The following USH2A variants were observed in gnomAD, a reference collection of about 807,000 sequenced individuals.
USH2A encodes the protein usherin, also known as Usher syndrome 2A (autosomal recessive, mild).
In USH2A, 443 loss-of-function variants were observed where a neutral mutation model predicts 538.9. The ratio of observed to expected loss-of-function variants is 0.82; its 90% CI spans 0.76 to 0.89. The LOEUF (loss-of-function observed/expected upper bound fraction) is 0.89, where lower values mean the gene tolerates loss of function less well. USH2A is among the 40% of genes least tolerant of loss of function. The pLI, the probability that USH2A is intolerant of heterozygous loss-of-function variation, is 0.00. For synonymous variants in USH2A, 2,413 were observed against 2,273.5 expected (o/e 1.06, Z -1.75); for missense variants, 6,633 against 6,324.8 (o/e 1.05, Z -1.65).
chr1:216,021,507 C>A (rs541916173), intron 32 of USH2A, among the ~76,000 whole-genome samples: 1 of 152,258 alleles, frequency 6.6e-6, no homozygotes, highest in Non-Finnish European at 1.5e-5. Context: ...TTATAAATTA[C>A]CCAGTCTTGA....
chr1:215,726,696 AG>A (rs1202209349), intron 61 of USH2A, among the ~76,000 whole-genome samples: 2 of 152,154 alleles, frequency 1.3e-5, no homozygotes, highest in African/African-American at 4.8e-5. Flanking sequence ...ATATTTAATA[AG>A]GTCTTGGCAC....
At chr1:215,683,255 G>GCA (rs71167831) in intron 61 of USH2A, among the ~76,000 whole-genome samples, 9 of 147,306 alleles carry the variant, frequency 6.1e-5, no homozygotes, top group African/African-American at 2.3e-4. Context: ...ACACACACAC[G>GCA]CACACACACA....
chr1:216,078,323 T>A lies in USH2A; in HGVS notation c.5338A>T (p.Thr1780Ser). ...KSGILTFRLNTSLAFTQVDLL... is the reference protein window; with the variant it reads ...KSGILTFRLNSSLAFTQVDLL... The stretch of plus-strand genomic sequence containing the variant: ...TCCACTTGTGTAAAGGCAAGACTGG[T>A]ATTTAACCGGAAGGTCAATATTCCA... The change falls in exon 27 of 72, where the codon ACC (threonine) becomes TCC (serine). Residue 1780 changes from threonine to serine, a missense_variant. Transcript: ENST00000307340. The A allele has an allele frequency of 4.3e-6, 7 of 1,613,732 alleles. No individual in the cohort carries two copies. The highest frequency in any genetic ancestry group is 5.9e-6 in the Non-Finnish European group (7 of 1,179,694).
chr1:216,085,367 G>C (rs958999453), intron 24 of USH2A, among the ~76,000 whole-genome samples: 4 of 151,684 alleles, frequency 2.6e-5, no homozygotes, highest in African/African-American at 9.7e-5. Context: ...CTCCAGACCA[G>C]GTAGAGGTGG....
At chr1:216,320,747 A>C (rs1488440449) in intron 9 of USH2A, among the ~76,000 whole-genome samples, 2 of 152,086 alleles carry the variant, frequency 1.3e-5, no homozygotes, top group Non-Finnish European at 2.9e-5. Context: ...GCTTGTTCAT[A>C]TATTTGCTCA....
chr1:216,261,094 AT>A (rs2036361876), intron 11 of USH2A, among the ~76,000 whole-genome samples: 2 of 152,204 alleles, frequency 1.3e-5, no homozygotes, highest in African/African-American at 2.4e-5. Context: ...AAAATATACA[AT>A]GTGAATGACA....
At chr1:216,239,789 G>A (rs1014594030) in intron 13 of USH2A, among the ~76,000 whole-genome samples, 3 of 152,120 alleles carry the variant, frequency 2.0e-5, no homozygotes, top group African/African-American at 7.2e-5. Flanking sequence ...TGTAAGTAAG[G>A]GTGGCAAGAA....
intron 3 of USH2A, among the ~76,000 whole-genome samples, chr1:216,407,052 T>A (rs1421436412): frequency 1.3e-5 from 2 of 152,082 alleles, no homozygotes; most frequent in Non-Finnish European, 2.9e-5. Flanking sequence ...TCCCTAGCTA[T>A]GTCACATGAC....
chr1:216,396,891 T>G (rs928903636), intron 3 of USH2A, among the ~76,000 whole-genome samples: 2 of 152,350 alleles, frequency 1.3e-5, no homozygotes, highest in African/African-American at 4.8e-5. Flanking sequence ...CTCCGCCAGC[T>G]CCATCCAATG....
intron 21 of USH2A, among the ~76,000 whole-genome samples, chr1:216,155,816 A>AT (rs1054835567): frequency 3.3e-5 from 5 of 151,456 alleles, no homozygotes; most frequent in South Asian, 4.2e-4. Flanking sequence ...TCAGAATTTC[A>AT]TTTTTTTTTA....
chr1:215,981,001 A>T (rs2813728), intron 35 of USH2A, among the ~76,000 whole-genome samples: 53,954 of 151,948 alleles, frequency 0.36, 10,233 homozygotes, highest in African/African-American at 0.47. Flanking sequence ...CAATTTTACT[A>T]GACAATGCTC....
At chr1:216,330,744 C>A (rs1424649181) in intron 4 of USH2A, among the ~76,000 whole-genome samples, 2 of 151,874 alleles carry the variant, frequency 1.3e-5, no homozygotes, top group African/African-American at 4.8e-5. Flanking sequence ...GTGATGTGAT[C>A]TCAGGATTAT....
intron 3 of USH2A, among the ~76,000 whole-genome samples, chr1:216,376,851 A>G (rs2038831794): frequency 6.6e-6 from 1 of 152,214 alleles, no homozygotes; most frequent in African/African-American, 2.4e-5. Flanking sequence ...TAAAATTTGT[A>G]GAAATAGTCC....
At chr1:215,817,420 G>A (rs1482541018) in intron 47 of USH2A, among the ~76,000 whole-genome samples, 1 of 151,904 alleles carries the variant, frequency 6.6e-6, no homozygotes, top group African/African-American at 2.4e-5. Flanking sequence ...AAGACAAGAA[G>A]CAAGTGTCAC....
intron 36 of USH2A, among the ~76,000 whole-genome samples, chr1:215,969,781 A>C (rs1057474765): frequency 2.0e-5 from 3 of 152,322 alleles, no homozygotes; most frequent in Non-Finnish European, 4.4e-5. Flanking sequence ...GCTGTCTTCC[A>C]AGGTAATATT....
Position 215,675,308 on chromosome 1 carries a change from TC to T in USH2A, c.12602del (p.Gly4201GlufsTer56), listed in dbSNP as rs1553252499. Reference sequence around the variant, plus strand: ...TCTCGTCGGCCTGGATTGTCTGATTTCCCCAAGCTTTTCCCTCGAAGCATCT... The same window carrying T: ...TCTCGTCGGCCTGGATTGTCTGATTTCCCAAGCTTTTCCCTCGAAGCATCT... ...IRRCFEGKAW[G>X]NQTIQADEKI... On this transcript the variant is annotated frameshift_variant, in exon 63 of 72. Coordinates refer to ENST00000307340, the MANE Select transcript of USH2A (RefSeq NM_206933.4). LOFTEE classifies it high-confidence loss of function. The T allele has an allele frequency of 6.2e-7, 1 of 1,614,094 alleles. No homozygotes were observed. Among genetic ancestry groups the T allele is most frequent in the Non-Finnish European group, 8.5e-7 (1 of 1,180,024 alleles).
intron 44 of USH2A, among the ~76,000 whole-genome samples, chr1:215,862,893 T>C (rs142064851): frequency 6.6e-6 from 1 of 152,308 alleles, no homozygotes; most frequent in Non-Finnish European, 1.5e-5. Flanking sequence ...GATCCCAAAG[T>C]CTATTTTAAA....
chr1:215,722,299 C>T (rs1468197857), intron 61 of USH2A, among the ~76,000 whole-genome samples: 1 of 152,116 alleles, frequency 6.6e-6, no homozygotes, highest in Non-Finnish European at 1.5e-5. Context: ...TAGAAAGCTA[C>T]ATCTCCCAGA....
chr1:216,175,185 T>C, intron 21 of USH2A, 67 bp downstream of exon 21: 2 of 1,603,116 alleles, frequency 1.2e-6, no homozygotes, highest in Non-Finnish European at 1.7e-6. Context: ...TGTAAAGGGA[T>C]ATGAAAATAT....
Sources: gnomAD v4.1 joint callset for allele counts (sites outside exome capture counted in the v4.1 genomes callset) on GRCh38, gnomAD v4.1.1 for gene constraint, MANE v1.5 for transcripts, NCBI Gene and HGNC (gene_info 2026-07-23, HGNC 2026-07-21) for gene names.